The following AGK variants were observed in gnomAD, a reference collection of about 807,000 sequenced individuals.
AGK encodes the protein acylglycerol kinase.
In AGK, 52 loss-of-function variants were observed where a neutral mutation model predicts 66.4. That is an observed-to-expected ratio of 0.78 (90% CI 0.63 to 0.99). The LOEUF is 0.99. Among genes scored for constraint, AGK ranks in the 50% least tolerant of loss-of-function variants. The pLI is 0.00. For synonymous variants in AGK, 182 were observed against 181.1 expected, an observed-to-expected ratio of 1.00 and a Z score of -0.04; for missense variants, 451 against 506.6, an observed-to-expected ratio of 0.89 and a Z score of 1.05.
intron 8 of AGK, among the ~76,000 whole-genome samples, chr7:141,619,117 C>T (rs998684924): frequency 1.3e-5 from 2 of 152,108 alleles, no homozygotes; most frequent in East Asian, 1.9e-4. Context: ...AGATGTCATT[C>T]TCTCCACAAC....
intron 9 of AGK, among the ~76,000 whole-genome samples, chr7:141,622,865 C>T (rs1049166748): frequency 1.3e-5 from 2 of 151,432 alleles, no homozygotes; most frequent in Admixed American, 1.3e-4. Flanking sequence ...ACCAGCCTGG[C>T]CAACATGGCG....
At chr7:141,579,459 G>A (rs1469648875) in intron 2 of AGK, among the ~76,000 whole-genome samples, 1 of 151,876 alleles carries the variant, frequency 6.6e-6, no homozygotes, top group Non-Finnish European at 1.5e-5. Context: ...AATGATCGCG[G>A]TGGCCTTCTC....
chr7:141,625,342 C>T (rs1796913536), intron 9 of AGK, among the ~76,000 whole-genome samples: 1 of 151,964 alleles, frequency 6.6e-6, no homozygotes, highest in Non-Finnish European at 1.5e-5. Flanking sequence ...TTTTTAGTTC[C>T]TTTATTTTAT....
intron 13 of AGK, among the ~76,000 whole-genome samples, chr7:141,644,565 A>G (rs1797365082): frequency 1.3e-5 from 2 of 152,210 alleles, no homozygotes; most frequent in African/African-American, 4.8e-5. Context: ...TTATACAACT[A>G]TGCTCACTGT....
rs142670102 is a variant in AGK, at chr7:141,565,800, A to G, written c.101+10233A>G. Among the ~76,000 whole-genome samples the G allele has an allele frequency of 4.6e-3, 695 of 152,180 alleles. 11 individuals are homozygous for G. In the Middle Eastern group the frequency reaches 0.054, roughly 12 times the overall value. ...CCTCACTGTCTTGGCTTTTGTCCATACTACTATTGTCGCTTGCCTGGGTTC... is the reference window on the plus strand; with the variant it reads ...CCTCACTGTCTTGGCTTTTGTCCATGCTACTATTGTCGCTTGCCTGGGTTC... On this transcript the variant is annotated intron_variant, in intron 2 of 15. Transcript: ENST00000649286.
intron 2 of AGK, among the ~76,000 whole-genome samples, chr7:141,560,741 C>T (rs920030879): frequency 6.6e-5 from 10 of 151,396 alleles, no homozygotes; most frequent in African/African-American, 1.2e-4. Flanking sequence ...TGAGTTACTT[C>T]GCTTAGAGTA....
rs896430378 is a variant in AGK at position 141,598,963 on chromosome 7, G to T, written c.222-2242G>T. ...TGTAAATATATTTGCATTTTTAAAG[G>T]TAGATTCTTGTTTAAAACTATAACA... On this transcript the variant is annotated intron_variant, in intron 4 of 15. Transcript: ENST00000649286. This position sits in a 1 kb window ranked among gnomAD's most constrained non-coding sequence, Gnocchi z 4.2. 1 of 152,082 alleles carries T rather than the reference G, an allele frequency of 6.6e-6. No homozygotes were observed. The highest frequency in any genetic ancestry group is 2.4e-5 in the African/African-American group (1 of 41,412). 9.4% of individuals were successfully genotyped at this position (152,082 alleles called of 1,614,324 possible).
intron 4 of AGK, among the ~76,000 whole-genome samples, chr7:141,600,392 A>G (rs939862847): frequency 1.3e-5 from 2 of 152,206 alleles, no homozygotes; most frequent in Admixed American, 1.3e-4. Context: ...ACAAGAGTTC[A>G]CTGTCAGAAT....
intron 8 of AGK, among the ~76,000 whole-genome samples, chr7:141,617,958 CT>C (rs1796743634): frequency 6.6e-6 from 1 of 152,144 alleles, no homozygotes; most frequent in African/African-American, 2.4e-5. Flanking sequence ...CTGCTGCCTA[CT>C]TCCCAAGTAG....
chr7:141,618,915 A>G (rs1169818652), intron 8 of AGK, among the ~76,000 whole-genome samples: 1 of 152,174 alleles, frequency 6.6e-6, no homozygotes, highest in African/African-American at 2.4e-5. Flanking sequence ...AAATATAGCT[A>G]TGTAACAATA....
intron 2 of AGK, among the ~76,000 whole-genome samples, chr7:141,578,712 T>C (rs572636368): frequency 2.0e-5 from 3 of 151,774 alleles, no homozygotes; most frequent in Non-Finnish European, 4.4e-5. Flanking sequence ...TCGTATAGAA[T>C]GATTGGTGAT....
chr7:141,551,680 G>A (rs1219369162), intron 1 of AGK, among the ~76,000 whole-genome samples: 1 of 152,188 alleles, frequency 6.6e-6, no homozygotes, highest in Non-Finnish European at 1.5e-5. Flanking sequence ...CCGTGGTCAC[G>A]GCGGGAGTCA....
chr7:141,650,701 T>C (rs543143809), intron 14 of AGK: 1 of 984,412 alleles, frequency 1.0e-6, no homozygotes, highest in Non-Finnish European at 1.2e-6. Flanking sequence ...CCATAGTCAC[T>C]CAGTCAAGGT....
chr7:141,582,296 G>A (rs889878623), intron 2 of AGK, among the ~76,000 whole-genome samples: 1 of 151,968 alleles, frequency 6.6e-6, no homozygotes, highest in Non-Finnish European at 1.5e-5. Flanking sequence ...GGCCGCTGCG[G>A]TTTAGGTGTT....
intron 3 of AGK, among the ~76,000 whole-genome samples, chr7:141,596,001 A>G (rs1313061237): frequency 6.6e-6 from 1 of 152,240 alleles, no homozygotes; most frequent in Non-Finnish European, 1.5e-5. Flanking sequence ...TAAAAATGTC[A>G]AATAAAAGGT....
intron 10 of AGK, among the ~76,000 whole-genome samples, chr7:141,634,480 A>G (rs1422856125): frequency 6.6e-6 from 1 of 152,208 alleles, no homozygotes; most frequent in African/African-American, 2.4e-5. Flanking sequence ...CTGTGCTGTG[A>G]GATGGGAGAA....
intron 3 of AGK, 37 bp from the exon 4 acceptor site, chr7:141,596,525 G>A (rs1796230044): frequency 6.4e-7 from 1 of 1,566,938 alleles, no homozygotes; most frequent in East Asian, 2.2e-5. Context: ...CCAAATAAAT[G>A]GACTTTTACT....
Position 141,649,276 on chromosome 7 carries a change from T to TC in AGK, c.989_990insC (p.Leu331SerfsTer6). 1 of 1,613,644 alleles carries TC rather than the reference T, an allele frequency of 6.2e-7. No individual in the cohort carries two copies. The highest frequency in any genetic ancestry group is 2.2e-5 in the East Asian group (1 of 44,868). On this transcript the variant is annotated frameshift_variant, in exon 14 of 16. Coordinates refer to ENST00000649286, the MANE Select transcript of AGK (RefSeq NM_018238.4). LOFTEE classifies it high-confidence loss of function. ...TAACCTTTTTAGAGCAAAGAAGATTTTCTGAATATCTGCATTGAACCTGAC... is the reference window on the plus strand; with the variant it reads ...TAACCTTTTTAGAGCAAAGAAGATTTCTCTGAATATCTGCATTGAACCTGAC...
At position 141,630,106 on chromosome 7, in the gene AGK, T is replaced by G. The variant is rs138896622; in HGVS notation, c.589-3795T>G. Among the ~76,000 whole-genome samples the G allele has an allele frequency of 2.3e-3, 343 of 152,342 alleles. 2 individuals are homozygous for G. The highest frequency in any genetic ancestry group is 6.3e-3 in the African/African-American group (260 of 41,596). On this transcript the variant is annotated intron_variant, in intron 9 of 15. Transcript: ENST00000649286. ...ACCATGGAATCTTCTATCATCATCA[T>G]CAGCAGCAGCATCATCATCCTCAGA...
Sources: allele counts gnomAD v4.1 joint callset (sites outside exome capture counted in the v4.1 genomes callset), GRCh38; gene constraint gnomAD v4.1.1; non-coding constraint Gnocchi (gnomAD v3.1); transcripts MANE v1.5; gene names NCBI Gene and HGNC (gene_info 2026-07-23, HGNC 2026-07-21).